ORAI2: variants seen among roughly 807,000 people sequenced by gnomAD.
ORAI2 encodes ORAI calcium release-activated calcium modulator 2, also known as protein orai-2.
ORAI2 carries 10 observed loss-of-function variants against 16.2 expected under a neutral mutation model. The ratio of observed to expected loss-of-function variants is 0.62; its 90% CI spans 0.38 to 1.04. The LOEUF is 1.04. ORAI2 is among the 50% of genes least tolerant of loss of function. The pLI, the probability that ORAI2 is intolerant of heterozygous loss-of-function variation, is 0.01. For missense variants in ORAI2, 238 were observed against 355.5 expected (o/e 0.67, Z 2.66); for synonymous variants, 150 against 157.5 (o/e 0.95, Z 0.35).
intron 1 of ORAI2, among the ~76,000 whole-genome samples, chr7:102,434,036 T>G (rs905755807): frequency 1.4e-5 from 2 of 144,350 alleles, no homozygotes; most frequent in Non-Finnish European, 3.0e-5. Context: ...ATGTGTCCAG[T>G]AGGCCAGCCA....
At chr7:102,437,375 G>C (rs1326240106) in intron 2 of ORAI2, among the ~76,000 whole-genome samples, 2 of 152,198 alleles carry the variant, frequency 1.3e-5, no homozygotes, top group African/African-American at 4.8e-5. Context: ...ATCACTTTGG[G>C]AGGCTGAGAC....
At chr7:102,443,185 T>G (rs976468379) in intron 3 of ORAI2, among the ~76,000 whole-genome samples, 1 of 149,924 alleles carries the variant, frequency 6.7e-6, no homozygotes, top group Non-Finnish European at 1.5e-5. Context: ...GGGCTGGTCT[T>G]GAACTCCTGG....
At chr7:102,443,081 CCTTCT>C (rs1797249250) in intron 3 of ORAI2, among the ~76,000 whole-genome samples, 1 of 144,758 alleles carries the variant, frequency 6.9e-6, no homozygotes, top group Non-Finnish European at 1.5e-5. Context: ...TGAAAAATTG[CCTTCT>C]CTTTTCTTCT....
intron 3 of ORAI2, among the ~76,000 whole-genome samples, chr7:102,443,567 A>T (rs2133229867): frequency 6.6e-6 from 1 of 152,080 alleles, no homozygotes; most frequent in East Asian, 1.9e-4. Flanking sequence ...AGGTGACCAT[A>T]GCCAACCCAG....
At chr7:102,436,484 T>G (rs1311071842) in intron 2 of ORAI2, among the ~76,000 whole-genome samples, 151 bp downstream of exon 2, 2 of 151,900 alleles carry the variant, frequency 1.3e-5, no homozygotes, top group Non-Finnish European at 2.9e-5. Context: ...ATTTCCAAAT[T>G]GGGGCATTTT....
chr7:102,434,676 C>T (rs1797015918), intron 1 of ORAI2: 1 of 152,594 alleles, frequency 6.6e-6, no homozygotes, highest in Non-Finnish European at 1.5e-5. Context: ...TGGTCCCAAA[C>T]CAGAATGATC....
chr7:102,446,585 T>C lies in ORAI2; in HGVS notation c.298T>C (p.Cys100Arg). The change falls in exon 4 of 4, where the codon TGC (cysteine) becomes CGC (arginine). Residue 100 changes from cysteine to arginine, a missense_variant. Cys to Arg is a radical substitution (Grantham distance 180). Coordinates refer to ENST00000495936, the MANE Select transcript of ORAI2 (RefSeq NM_001126340.3). ...GCCGCTGCTGATTGCCTTCAGCGCC[T>C]GCACCACGGTGCTGGTGGCCGTGCA... ...PRPLLIAFSACTTVLVAVHLF... is the reference protein window; with the variant it reads ...PRPLLIAFSARTTVLVAVHLF... 6.2e-7 allele frequency: 1 copy of C among 1,613,598 alleles called. No homozygotes were observed. The highest frequency in any genetic ancestry group is 8.5e-7 in the Non-Finnish European group (1 of 1,179,956).
chr7:102,439,393 A>G (rs994015732), intron 3 of ORAI2, among the ~76,000 whole-genome samples: 1 of 152,162 alleles, frequency 6.6e-6, no homozygotes, highest in South Asian at 2.1e-4. Context: ...TCCCAGCTCT[A>G]GAATCTTCAG....
chr7:102,439,547 G>A (rs1188275998), intron 3 of ORAI2, among the ~76,000 whole-genome samples: 2 of 151,744 alleles, frequency 1.3e-5, no homozygotes, highest in Non-Finnish European at 2.9e-5. Flanking sequence ...ATAGCTTGAG[G>A]CCAGGAGTTT....
In ORAI2 at chr7:102,454,924, C is replaced by T. The variant is rs904229861; in HGVS notation, c.*7872C>T. ...GGCAGAGGGGCTCACACCCGTTATT[C>T]CCAGCGCTTTGGGAGGCTGAGGCGG... On this transcript the variant is annotated 3_prime_UTR_variant, in exon 4 of 4. Coordinates refer to ENST00000495936, the MANE Select transcript of ORAI2 (RefSeq NM_001126340.3). 1.3e-5 allele frequency: 2 copies of T among 153,344 alleles called. No individual in the cohort carries two copies. The highest frequency in any genetic ancestry group is 2.9e-5 in the Non-Finnish European group (2 of 68,910). The allele number at this position is 153,344 out of a possible 1,614,324, so 9.5% of individuals were successfully genotyped here.
At chr7:102,438,679 A>C (rs1797120484) in intron 2 of ORAI2, among the ~76,000 whole-genome samples, 1 of 152,140 alleles carries the variant, frequency 6.6e-6, no homozygotes, top group Non-Finnish European at 1.5e-5. Context: ...AGACTGAAGC[A>C]GGAGAATTGC....
rs756094363 is a variant in ORAI2 at position 102,455,436 on chromosome 7, G to C, written c.*8384G>C. The C allele has an allele frequency of 6.6e-6, 1 of 152,284 alleles. No individual in the cohort carries two copies. The highest frequency in any genetic ancestry group is 2.4e-5 in the African/African-American group (1 of 41,456). The allele number at this position is 152,284 out of a possible 1,614,324, so 9.4% of individuals were successfully genotyped here. The stretch of plus-strand genomic sequence containing the variant: ...GTTTCCTAAAGTGTGCTCTGCAGGA[G>C]TGCTGGAAGGGCCAGCATGGAAGGA... On this transcript the variant is annotated 3_prime_UTR_variant, in exon 4 of 4. Transcript: ENST00000495936.
intron 2 of ORAI2, among the ~76,000 whole-genome samples, chr7:102,436,739 C>A (rs1252599714): frequency 6.6e-6 from 1 of 151,916 alleles, no homozygotes; most frequent in East Asian, 1.9e-4. Flanking sequence ...GAGACGGAAT[C>A]CTGCTCTGTC....
chr7:102,446,578 C>T lies in ORAI2; in HGVS notation c.291C>T (p.Phe97=). ...YQYPRPLLIA[F]SACTTVLVAV... is the part of the protein sequence containing the mutation. ...ACCCGCGGCCGCTGCTGATTGCCTT[C>T]AGCGCCTGCACCACGGTGCTGGTGG... The change falls in exon 4 of 4, where the codon TTC becomes TTT. Residue 97 remains phenylalanine (F), a synonymous_variant. Coordinates refer to ENST00000495936, the MANE Select transcript of ORAI2 (RefSeq NM_001126340.3). 6.2e-7 allele frequency: 1 copy of T among 1,613,504 alleles called. No individual in the cohort carries two copies. The highest frequency in any genetic ancestry group is 8.5e-7 in the Non-Finnish European group (1 of 1,179,978).
intron 3 of ORAI2, among the ~76,000 whole-genome samples, chr7:102,445,628 T>C (rs1797330914): frequency 6.6e-6 from 1 of 152,032 alleles, no homozygotes; most frequent in Non-Finnish European, 1.5e-5. Context: ...TTTTGTATTT[T>C]TTATAGAGAC....
At chr7:102,439,457 T>C (rs1797141414) in intron 3 of ORAI2, among the ~76,000 whole-genome samples, 1 of 152,168 alleles carries the variant, frequency 6.6e-6, no homozygotes, top group South Asian at 2.1e-4. Context: ...GGAGGGAGGT[T>C]GGTGCGGGGT....
intron 2 of ORAI2, among the ~76,000 whole-genome samples, chr7:102,436,891 A>G (rs924170802): frequency 5.3e-5 from 8 of 151,962 alleles, no homozygotes; most frequent in Admixed American, 5.2e-4. Flanking sequence ...TTGTATTTTT[A>G]GTGGAGACAG....
Position 102,454,791 on chromosome 7 carries a change from GTGTC to G in ORAI2, c.*7742_*7745del, listed in dbSNP as rs560483952. The G allele has an allele frequency of 6.6e-6, 1 of 152,354 alleles. No individual in the cohort carries two copies. The highest frequency in any genetic ancestry group is 1.5e-5 in the Non-Finnish European group (1 of 68,138). 9.4% of individuals were successfully genotyped at this position (152,354 alleles called of 1,614,324 possible). A position where few individuals can be genotyped will look rare whatever the true frequency, so the allele number is the denominator to read the frequency against. On this transcript the variant is annotated 3_prime_UTR_variant, in exon 4 of 4. Transcript: ENST00000495936. ...TGGGCAGCCTGGTCTGCTGAGGAAAGTGTCTGATGGATGCGGAAATGGCCACCCC... is the reference window on the plus strand; with the variant it reads ...TGGGCAGCCTGGTCTGCTGAGGAAAGTGATGGATGCGGAAATGGCCACCCC...
At position 102,449,850 on chromosome 7, in the gene ORAI2, G is replaced by C. The variant is rs1299664817; in HGVS notation, c.*2798G>C. On this transcript the variant is annotated 3_prime_UTR_variant, in exon 4 of 4. Transcript: ENST00000495936. Reference sequence around the variant, plus strand: ...ACTATAACTGTGCTAGTGGCCGGGCGCAGTGGCTCACGCCTATAATCCCAG... The same window carrying C: ...ACTATAACTGTGCTAGTGGCCGGGCCCAGTGGCTCACGCCTATAATCCCAG... 1 of 152,252 alleles carries C rather than the reference G, an allele frequency of 6.6e-6. No individual in the cohort carries two copies. Among genetic ancestry groups the C allele is most frequent in the African/African-American group, 2.4e-5 (1 of 41,444 alleles). The allele number at this position is 152,252 out of a possible 1,614,324, so 9.4% of individuals were successfully genotyped here.
Sources: allele counts gnomAD v4.1 joint callset (sites outside exome capture counted in the v4.1 genomes callset), GRCh38; gene constraint gnomAD v4.1.1; transcripts MANE v1.5; gene names NCBI Gene and HGNC (gene_info 2026-07-23, HGNC 2026-07-21).